EML6: variants seen among roughly 807,000 people sequenced by gnomAD.
The protein encoded by EML6 is EMAP like 6.
EML6 carries 154 observed loss-of-function variants against 240.1 expected under a neutral mutation model. The observed-to-expected ratio is 0.64, with a 90% confidence interval of 0.56 to 0.73. The LOEUF (loss-of-function observed/expected upper bound fraction) is 0.73, where lower values mean the gene tolerates loss of function less well. Among genes scored for constraint, EML6 ranks in the 30% least tolerant of loss-of-function variants. The pLI is 0.00. For missense variants in EML6, 2,964 were observed against 2,474.6 expected, an observed-to-expected ratio of 1.20 and a Z score of -4.20; for synonymous variants, 1,148 against 899.0, an observed-to-expected ratio of 1.28 and a Z score of -4.95.
chr2:54,811,613 C>T (rs1460477665), intron 2 of EML6, among the ~76,000 whole-genome samples: 1 of 152,122 alleles, frequency 6.6e-6, no homozygotes. Flanking sequence ...TGGTACTGTC[C>T]CTGACATATC....
intron 2 of EML6, among the ~76,000 whole-genome samples, chr2:54,763,605 G>A (rs1257389078): frequency 6.6e-6 from 1 of 152,152 alleles, no homozygotes; most frequent in Non-Finnish European, 1.5e-5. Flanking sequence ...TTTTTGGATG[G>A]GTAGGTGGGT....
intron 28 of EML6, among the ~76,000 whole-genome samples, 172 bp from the exon 29 acceptor site, chr2:54,948,710 C>G (rs960737392): frequency 6.6e-6 from 1 of 152,048 alleles, no homozygotes; most frequent in East Asian, 1.9e-4. Context: ...GGCTGGGTCC[C>G]GTGGCAGGCG....
rs191862380 is a variant in EML6, at chr2:54,815,642, C to A, written c.358-1145C>A. Among the ~76,000 whole-genome samples the A allele has an allele frequency of 1.6e-3, 249 of 152,038 alleles. 1 individual carries two copies. Among genetic ancestry groups the A allele is most frequent in the Non-Finnish European group, 3.1e-3 (208 of 67,978 alleles). On this transcript the variant is annotated intron_variant, in intron 3 of 41. Coordinates refer to ENST00000356458, the MANE Select transcript of EML6 (RefSeq NM_001039753.4). ...CACATCTTGTTTCCATTGCTGAAAC[C>A]CTCAGTTAAAAAATTATAGCAAAGA...
At position 54,799,415 on chromosome 2, in the gene EML6, C is replaced by A. The variant is rs185661526; in HGVS notation, c.198-13817C>A. 2.1e-3 allele frequency among the ~76,000 whole-genome samples: 323 copies of A among 150,518 alleles called. 5 individuals carry two copies. The highest frequency in any genetic ancestry group is 0.019 in the Admixed American group (282 of 15,112). Reference sequence around the variant, plus strand: ...CTCTGGTGTGTGGTGGCGCGATCTCCGTTCACTGCAACCTCTGACTCCCTG... The same window carrying A: ...CTCTGGTGTGTGGTGGCGCGATCTCAGTTCACTGCAACCTCTGACTCCCTG... On this transcript the variant is annotated intron_variant, in intron 2 of 41. Transcript: ENST00000356458.
chr2:54,778,377 AAG>A lies in EML6; in HGVS notation c.198-34852_198-34851del, dbSNP rs1367411834. On this transcript the variant is annotated intron_variant, in intron 2 of 41. Coordinates refer to ENST00000356458, the MANE Select transcript of EML6 (RefSeq NM_001039753.4). ...GAGAAGGGGGAGAGGAGAGAGAAAA[AAG>A]AGTTTTCTGTCTGGGATGAGGAGAA... is the stretch of plus-strand genomic sequence containing the variant. 2.2e-4 allele frequency among the ~76,000 whole-genome samples: 33 copies of A among 152,150 alleles called. 1 individual carries two copies. The highest frequency in any genetic ancestry group is 2.2e-3 in the Admixed American group (33 of 15,280).
At chr2:54,776,401 C>T (rs572370667) in intron 2 of EML6, among the ~76,000 whole-genome samples, 1 of 151,952 alleles carries the variant, frequency 6.6e-6, no homozygotes, top group East Asian at 1.9e-4. Flanking sequence ...GATTATTGCC[C>T]CATTTAATTA....
Position 54,885,219 on chromosome 2 carries a change from C to T in EML6, c.2438+5579C>T, listed in dbSNP as rs914336688. ...CAGCACTTTGGGAGGTTGAGGCGGGCGGATCACCTCAGGTCAGGAGTTTGA... is the reference window on the plus strand; with the variant it reads ...CAGCACTTTGGGAGGTTGAGGCGGGTGGATCACCTCAGGTCAGGAGTTTGA... On this transcript the variant is annotated intron_variant, in intron 17 of 41. Coordinates refer to ENST00000356458, the MANE Select transcript of EML6 (RefSeq NM_001039753.4). Among the ~76,000 whole-genome samples the T allele has an allele frequency of 2.0e-5, 3 of 151,810 alleles. No individual in the cohort carries two copies. In the East Asian group the frequency reaches 5.8e-4, roughly 30 times the overall value.
chr2:54,847,410 G>T (rs1053161921), intron 8 of EML6, 76 bp from the exon 9 acceptor site: 1 of 1,472,772 alleles, frequency 6.8e-7, no homozygotes, highest in Admixed American at 2.0e-5. Context: ...GTGGTGAGCA[G>T]CCCTTCTTGC....
intron 22 of EML6, 93 bp downstream of exon 22, chr2:54,899,875 G>A (rs944551454): frequency 2.0e-5 from 25 of 1,219,856 alleles, no homozygotes; most frequent in Admixed American, 4.7e-5. Context: ...CTGAGGGCAC[G>A]TGTTATATGC....
At chr2:54,814,982 G>A (rs1322519706) in intron 3 of EML6, among the ~76,000 whole-genome samples, 4 of 152,202 alleles carry the variant, frequency 2.6e-5, no homozygotes, top group Non-Finnish European at 4.4e-5. Context: ...AAACTGAAGT[G>A]AATCAGAATC....
intron 37 of EML6, 111 bp from the exon 38 acceptor site, chr2:54,964,460 G>GTGGC: frequency 2.0e-6 from 2 of 978,972 alleles, no homozygotes; most frequent in Non-Finnish European, 3.0e-6. Flanking sequence ...GAGTCACAAG[G>GTGGC]TGGCTCTCAT....
rs1204600237 is a variant in EML6 at position 54,957,842 on chromosome 2, A to G, written c.4539A>G (p.Glu1513=). ...GGHLERIFVV[E]FRPDSDTQFV... Reference sequence around the variant, plus strand: ...ACCTGGAGCGCATATTTGTGGTGGAATTTCGCCCCGACTCAGACACGCAGT... The same window carrying G: ...ACCTGGAGCGCATATTTGTGGTGGAGTTTCGCCCCGACTCAGACACGCAGT... The change falls in exon 33 of 42, where the codon GAA becomes GAG. Residue 1513 remains glutamate, a synonymous_variant. Coordinates refer to ENST00000356458, the MANE Select transcript of EML6 (RefSeq NM_001039753.4). 3.9e-6 allele frequency: 6 copies of G among 1,550,604 alleles called. No homozygotes were observed. Among genetic ancestry groups the G allele is most frequent in the Non-Finnish European group, 4.4e-6 (5 of 1,146,994 alleles).
Position 54,853,714 on chromosome 2 carries a change from C to T in EML6, c.1516C>T (p.Pro506Ser), listed in dbSNP as rs1297505215. 23 of 1,551,124 alleles carry T rather than the reference C, an allele frequency of 1.5e-5. No homozygotes were observed. In the South Asian group the frequency reaches 1.7e-4, roughly 11 times the overall value. ...PWASWTCVKG[P>S]EVSGIWPKYT... ...GGCCTCCTGGACATGCGTGAAAGGC[C>T]CTGAAGTGAGTGGAATTTGGCCCAA... Residue 506 changes from proline to serine, a missense_variant, in exon 11 of 42, where the codon CCT becomes TCT. By Grantham distance (74) the Pro-to-Ser change is moderately conservative (BLOSUM62 -1). Transcript: ENST00000356458.
chr2:54,861,997 GT>G (rs948490194), intron 12 of EML6, among the ~76,000 whole-genome samples: 1 of 152,060 alleles, frequency 6.6e-6, no homozygotes, highest in Non-Finnish European at 1.5e-5. Flanking sequence ...GATAGAAGGT[GT>G]TTTTTAAAAC....
chr2:54,879,521 T>C, intron 16 of EML6, 26 bp from the exon 17 acceptor site: 2 of 1,483,954 alleles, frequency 1.3e-6, no homozygotes, highest in Non-Finnish European at 1.8e-6. Context: ...GGAAGAAATT[T>C]TGACATTTGT....
intron 19 of EML6, 72 bp downstream of exon 19, chr2:54,892,728 C>A: frequency 8.4e-7 from 1 of 1,191,722 alleles, no homozygotes; most frequent in South Asian, 1.5e-5. Context: ...TAGGATGGCC[C>A]AAGAGGATGC....
In EML6 at chr2:54,954,012, G is replaced by T. The variant is rs749359089; in HGVS notation, c.4342G>T (p.Ala1448Ser). 1.3e-6 allele frequency: 2 copies of T among 1,551,252 alleles called. No homozygotes were observed. The highest frequency in any genetic ancestry group is 2.4e-5 in the South Asian group (2 of 83,862). The change falls in exon 32 of 42, where the codon GCC becomes TCC. Residue 1448 changes from alanine to serine, a missense_variant. Coordinates refer to ENST00000356458, the MANE Select transcript of EML6 (RefSeq NM_001039753.4). Reference protein sequence around the residue: ...GTTPSIHIWDAMTKHTLSMLR... With the variant: ...GTTPSIHIWDSMTKHTLSMLR... ...AACACCTTCCATCCACATATGGGAC[G>T]CCATGACCAAACACACCCTCTCCAT...
intron 11 of EML6, among the ~76,000 whole-genome samples, chr2:54,858,238 A>G (rs1409105521): frequency 4.6e-5 from 7 of 152,356 alleles, no homozygotes; most frequent in South Asian, 2.1e-4. Flanking sequence ...GACGTGGCAT[A>G]TAGAGATCCA....
chr2:54,867,968 A>C (rs1218956926), intron 14 of EML6: 3 of 152,120 alleles, frequency 2.0e-5, no homozygotes, highest in Admixed American at 1.3e-4. Context: ...GCCCAATACA[A>C]TATCCACTAG....
Sources: allele counts gnomAD v4.1 joint callset (sites outside exome capture counted in the v4.1 genomes callset), GRCh38; gene constraint gnomAD v4.1.1; transcripts MANE v1.5; gene names NCBI Gene and HGNC (gene_info 2026-07-23, HGNC 2026-07-21).